Variants in PI4KA observed in about 807,000 individuals in gnomAD.
PI4KA encodes phosphatidylinositol 4-kinase alpha, also known as PI4-kinase alpha.
A neutral mutation model predicts 271.4 loss-of-function variants in PI4KA; 122 were observed. That is an observed-to-expected ratio of 0.45 (90% confidence interval 0.39 to 0.52). The LOEUF is 0.52. PI4KA is among the 20% of genes least tolerant of loss of function. The probability of loss-of-function intolerance (pLI) is 0.00; values close to 1 mark genes in which losing one functional copy is unlikely to be tolerated. For missense variants in PI4KA, 1,969 were observed against 2,769.1 expected, an observed-to-expected ratio of 0.71 and a Z score of 6.48; for synonymous variants, 1,041 against 1,078.8, an observed-to-expected ratio of 0.96 and a Z score of 0.69.
chr22:20,844,972 C>G (rs1926063448), intron 1 of PI4KA, among the ~76,000 whole-genome samples: 1 of 152,052 alleles, frequency 6.6e-6, no homozygotes, highest in Admixed American at 6.5e-5. Context: ...TTTTAGGGGT[C>G]TTAGGGGGAG....
chr22:20,765,689 G>A lies in PI4KA; in HGVS notation c.2333C>T (p.Thr778Ile). ...TTCTTTGATGGGTGGCAGTCGTCGGGTGAGCTGATGTGCCAAGAAGAGAGG... is the reference window on the plus strand; with the variant it reads ...TTCTTTGATGGGTGGCAGTCGTCGGATGAGCTGATGTGCCAAGAAGAGAGG... ...GVLIPVIAVL[T>I]RRLPPIKEAK... is the part of the protein sequence containing the mutation. The change falls in exon 20 of 55, where the codon ACC becomes ATC. Residue 778 changes from threonine (T) to isoleucine (I), a missense_variant. This residue lies in a region of PI4KA where 368 missense variants were observed against 544.3 expected (regional missense o/e 0.68). Coordinates refer to ENST00000255882, the MANE Select transcript of PI4KA (RefSeq NM_058004.4). 6.2e-7 allele frequency: 1 copy of A among 1,604,578 alleles called. No homozygotes were observed. The highest frequency in any genetic ancestry group is 8.5e-7 in the Non-Finnish European group (1 of 1,171,554).
At chr22:20,709,760 A>G (rs1925004604) in intron 53 of PI4KA, 148 bp downstream of exon 53, 1 of 593,662 alleles carries the variant, frequency 1.7e-6, no homozygotes, top group Non-Finnish European at 3.0e-6. Context: ...CTAGGGGCAG[A>G]GCCTCACCCA....
chr22:20,772,227 C>T (rs913355295), intron 19 of PI4KA, among the ~76,000 whole-genome samples: 5 of 152,220 alleles, frequency 3.3e-5, no homozygotes, highest in African/African-American at 9.6e-5. Flanking sequence ...CAATTTCAGC[C>T]AGGGTGGCTG....
rs73877757 is a variant in PI4KA at position 20,713,691 on chromosome 22, C to G, written c.5462-301G>C. Among the ~76,000 whole-genome samples the G allele has an allele frequency of 0.029, 4,398 of 152,318 alleles. 204 individuals are homozygous for G. The highest frequency in any genetic ancestry group is 0.099 in the African/African-American group (4,106 of 41,548). On this transcript the variant is annotated intron_variant, in intron 47 of 54. Coordinates refer to ENST00000255882, the MANE Select transcript of PI4KA (RefSeq NM_058004.4). The stretch of plus-strand genomic sequence containing the variant: ...CTGGGTCAGTGTTGGGTGCTGTGAG[C>G]TAGGGGGCAGGAGGAATGTGTCTGT...
Position 20,793,206 on chromosome 22 carries a change from G to T in PI4KA, c.2315C>A (p.Pro772His). The T allele has an allele frequency of 6.4e-7, 1 of 1,568,604 alleles. No individual in the cohort carries two copies. Among genetic ancestry groups the T allele is most frequent in the Non-Finnish European group, 8.8e-7 (1 of 1,138,866 alleles). The change falls in exon 19 of 55, where the codon CCT (proline) becomes CAT (histidine). Residue 772 changes from proline to histidine, a missense_variant. Physicochemically the swap from Pro to His is moderately conservative, Grantham distance 77 (BLOSUM62 -2). Around this residue, in one of 13 missense-constraint regions of PI4KA, gnomAD observed 368 missense variants for 544.3 expected, o/e 0.68. Coordinates refer to ENST00000255882, the MANE Select transcript of PI4KA (RefSeq NM_058004.4). The part of the protein sequence containing the change: ...SSAGNLGVLI[P>H]VIAVLTRRLP... ...ATGAATACTCACCACAGCTATTACA[G>T]GAATGAGTACTCCCAAGTTCCCTGC...
chr22:20,811,468 G>T (rs1231021025), intron 8 of PI4KA, among the ~76,000 whole-genome samples: 1 of 152,094 alleles, frequency 6.6e-6, no homozygotes, highest in Non-Finnish European at 1.5e-5. Flanking sequence ...TCCGGGCCAG[G>T]TGCACTGGCT....
At chr22:20,795,441 A>G (rs1305430944) in intron 18 of PI4KA, among the ~76,000 whole-genome samples, 1 of 152,222 alleles carries the variant, frequency 6.6e-6, no homozygotes, top group Non-Finnish European at 1.5e-5. Flanking sequence ...ACAAAACTTG[A>G]GTCAAAAATA....
intron 18 of PI4KA, among the ~76,000 whole-genome samples, 186 bp downstream of exon 18, chr22:20,795,960 C>T (rs79201568): frequency 0.03 from 4,518 of 152,174 alleles, 88 homozygotes; most frequent in Middle Eastern, 0.061. Context: ...AGAAAACTGC[C>T]CTCTCCCCTG....
At chr22:20,754,693 T>C (rs1931084146) in intron 23 of PI4KA, among the ~76,000 whole-genome samples, 1 of 152,186 alleles carries the variant, frequency 6.6e-6, no homozygotes, top group Non-Finnish European at 1.5e-5. Flanking sequence ...CTCACGCCCA[T>C]AATCCCAGCA....
At chr22:20,829,593 T>A (rs361538) in intron 3 of PI4KA, among the ~76,000 whole-genome samples, 10,331 of 151,714 alleles carry the variant, frequency 0.068, 339 homozygotes, top group East Asian at 0.079. Context: ...TTTTTTTTTT[T>A]ATTCAAAAAA....
chr22:20,850,881 A>G (rs935136003), intron 1 of PI4KA, among the ~76,000 whole-genome samples: 1 of 151,752 alleles, frequency 6.6e-6, no homozygotes, highest in Non-Finnish European at 1.5e-5. Flanking sequence ...CTCTAAAAAA[A>G]TTTTTCTTTT....
intron 39 of PI4KA, 123 bp downstream of exon 39, chr22:20,729,190 A>G: frequency 1.3e-6 from 1 of 782,998 alleles, no homozygotes; most frequent in East Asian, 2.7e-5. Context: ...GGACTAGACT[A>G]CTTCCTGACT....
At chr22:20,858,223 C>T (rs1927858753) in intron 1 of PI4KA, among the ~76,000 whole-genome samples, 1 of 152,212 alleles carries the variant, frequency 6.6e-6, no homozygotes. Flanking sequence ...TGGTCCTCGG[C>T]TCATCCCACT....
At chr22:20,809,067 T>C (rs1253553123) in intron 9 of PI4KA, among the ~76,000 whole-genome samples, 1 of 152,114 alleles carries the variant, frequency 6.6e-6, no homozygotes, top group Admixed American at 6.6e-5. Flanking sequence ...CAATGATGGC[T>C]TTACAGACAA....
intron 19 of PI4KA, among the ~76,000 whole-genome samples, chr22:20,785,692 G>T (rs1601492813): frequency 1.3e-5 from 2 of 151,772 alleles, no homozygotes; most frequent in Non-Finnish European, 2.9e-5. Flanking sequence ...CCAAACCAGA[G>T]AATTATTTTA....
At chr22:20,806,674 A>G (rs1396001161) in intron 10 of PI4KA, among the ~76,000 whole-genome samples, 1 of 152,134 alleles carries the variant, frequency 6.6e-6, no homozygotes, top group Non-Finnish European at 1.5e-5. Flanking sequence ...TCTGTCTGAA[A>G]AAAAAAGCTA....
chr22:20,796,346 G>A (rs1934985494), intron 17 of PI4KA, 32 bp from the exon 18 acceptor site: 1 of 1,598,842 alleles, frequency 6.3e-7, no homozygotes. Flanking sequence ...AACAGCCACT[G>A]CCAGGCCCTC....
chr22:20,744,328 GCC>G (rs1929817916), intron 30 of PI4KA, among the ~76,000 whole-genome samples: 2 of 152,154 alleles, frequency 1.3e-5, no homozygotes, highest in Non-Finnish European at 2.9e-5. Context: ...GTGCCCAAGA[GCC>G]TATGGCATGT....
chr22:20,729,685 A>T lies in PI4KA; in HGVS notation c.4435T>A (p.Ser1479Thr). 1 of 1,590,500 alleles carries T rather than the reference A, an allele frequency of 6.3e-7. No homozygotes were observed. Among genetic ancestry groups the T allele is most frequent in the Non-Finnish European group, 8.6e-7 (1 of 1,166,626 alleles). ...TTCATGTAGTATTTGTGCAGCTGGG[A>T]GCCCCGGTTGGTTTTCTTAGACATG... ...SGMSKKTNRG[S>T]QLHKYYMKRR... The change falls in exon 38 of 55, where the codon TCC becomes ACC. Residue 1479 changes from serine to threonine, a missense_variant. Physicochemically the swap from Ser to Thr is moderately conservative, Grantham distance 58. Transcript: ENST00000255882.
Sources: allele counts gnomAD v4.1 joint callset (sites outside exome capture counted in the v4.1 genomes callset), GRCh38; gene constraint gnomAD v4.1.1; regional missense constraint gnomAD v4.1.1; transcripts MANE v1.5; gene names NCBI Gene and HGNC (gene_info 2026-07-23, HGNC 2026-07-21).